The following KIF26B variants were observed in gnomAD, a reference collection of about 807,000 sequenced individuals.
The protein encoded by KIF26B is kinesin family member 26B.
Under a neutral mutation model 151.2 loss-of-function variants are expected in KIF26B, and 63 were observed. The ratio of observed to expected loss-of-function variants is 0.42; its 90% CI spans 0.34 to 0.51. The LOEUF is 0.51. KIF26B is among the 20% of genes least tolerant of loss of function. KIF26B has a pLI of 0.07. For synonymous variants in KIF26B, 1,357 were observed against 1,262.1 expected (o/e 1.08, Z -1.59); for missense variants, 2,813 against 2,913.6 (o/e 0.97, Z 0.79).
intron 4 of KIF26B, among the ~76,000 whole-genome samples, chr1:245,467,550 C>G (rs1279115418): frequency 6.6e-6 from 1 of 152,164 alleles, no homozygotes; most frequent in East Asian, 1.9e-4. Context: ...ATCTCTGGAT[C>G]TGAATTCCTA....
rs544715153 is a variant in KIF26B, at chr1:245,470,358, G to A, written c.1166+50613G>A. ...GAAAGCAGTGGATTCAAGTTACAAA[G>A]GAAGAATTGGCAAGGGGTGGCAAAA... is the stretch of plus-strand genomic sequence containing the variant. On this transcript the variant is annotated intron_variant, in intron 4 of 14. Coordinates refer to ENST00000407071, the MANE Select transcript of KIF26B (RefSeq NM_018012.4). Among the ~76,000 whole-genome samples the A allele has an allele frequency of 5.9e-5, 9 of 152,274 alleles. No individual in the cohort carries two copies. In the South Asian group the frequency reaches 1.9e-3, roughly 32 times the overall value.
chr1:245,329,081 C>T (rs554226083), intron 2 of KIF26B, among the ~76,000 whole-genome samples: 20 of 152,226 alleles, frequency 1.3e-4, no homozygotes, highest in Non-Finnish European at 2.8e-4. Flanking sequence ...GCTGAATTCA[C>T]AGGCTCGCAA....
intron 3 of KIF26B, among the ~76,000 whole-genome samples, chr1:245,405,695 A>G (rs1395444700): frequency 6.6e-6 from 1 of 151,938 alleles, no homozygotes; most frequent in South Asian, 2.1e-4. Context: ...GGTGTGAATC[A>G]GGATCACTCA....
intron 5 of KIF26B, among the ~76,000 whole-genome samples, chr1:245,589,385 GTCTGTATTTACGTGCCTGCCA>G: frequency 6.6e-6 from 1 of 152,268 alleles, no homozygotes; most frequent in Admixed American, 6.5e-5. Context: ...ACTGAATGCG[GTCTGTATTTACGTGCCTGCCA>G]TCTGTCCCCA....
At chr1:245,356,043 A>G (rs1476304630) in intron 2 of KIF26B, among the ~76,000 whole-genome samples, 2 of 152,078 alleles carry the variant, frequency 1.3e-5, no homozygotes, top group Non-Finnish European at 2.9e-5. Flanking sequence ...ATTCTGATAC[A>G]GGGGGTCTGA....
At chr1:245,468,722 G>A (rs1303653024) in intron 4 of KIF26B, among the ~76,000 whole-genome samples, 1 of 152,006 alleles carries the variant, frequency 6.6e-6, no homozygotes, top group East Asian at 1.9e-4. Flanking sequence ...CTTTGTTATT[G>A]AATTGAGTGA....
Position 245,602,232 on chromosome 1 carries a change from C to T in KIF26B, c.1351-345C>T, listed in dbSNP as rs2043404378. Among the ~76,000 whole-genome samples the T allele has an allele frequency of 6.6e-6, 1 of 152,126 alleles. No homozygotes were observed. Among genetic ancestry groups the T allele is most frequent in the Non-Finnish European group, 1.5e-5 (1 of 68,024 alleles). On this transcript the variant is annotated intron_variant, in intron 5 of 14. Transcript: ENST00000407071. This position sits in a 1 kb window ranked among gnomAD's most constrained non-coding sequence, Gnocchi z 4.5. Reference sequence around the variant, plus strand: ...TGAGCTTCAAGGAAACTGCACCAGCCCCTATAGTTTGGCAGTCCAGACTAC... The same window carrying T: ...TGAGCTTCAAGGAAACTGCACCAGCTCCTATAGTTTGGCAGTCCAGACTAC...
chr1:245,175,629 A>T (rs2103524675), intron 2 of KIF26B, among the ~76,000 whole-genome samples: 1 of 152,294 alleles, frequency 6.6e-6, no homozygotes, highest in East Asian at 1.9e-4. Flanking sequence ...ATAAAAGATG[A>T]GAAGATGCAG....
At chr1:245,209,798 G>C (rs1200912370) in intron 2 of KIF26B, among the ~76,000 whole-genome samples, 1 of 152,248 alleles carries the variant, frequency 6.6e-6, no homozygotes, top group Non-Finnish European at 1.5e-5. Flanking sequence ...TTGGAAACAG[G>C]GCCTGGGGGT....
At chr1:245,412,107 A>G (rs1391401898) in intron 3 of KIF26B, among the ~76,000 whole-genome samples, 2 of 152,200 alleles carry the variant, frequency 1.3e-5, no homozygotes, top group African/African-American at 4.8e-5. Context: ...TCCTAAGACA[A>G]TACTAAGGGT....
intron 9 of KIF26B, among the ~76,000 whole-genome samples, chr1:245,618,996 A>C (rs2043626556): frequency 7.1e-6 from 1 of 141,708 alleles, no homozygotes; most frequent in Admixed American, 7.1e-5. Context: ...TCCAAGCCCT[A>C]TTAGACTATA....
intron 9 of KIF26B, among the ~76,000 whole-genome samples, chr1:245,618,569 T>A (rs116055132): frequency 0.026 from 3,839 of 146,640 alleles, 65 homozygotes; most frequent in Admixed American, 0.054. Context: ...TGCTGTGTGC[T>A]GTTTGTGAGC....
intron 2 of KIF26B, among the ~76,000 whole-genome samples, chr1:245,334,787 G>A (rs1385474721): frequency 1.3e-5 from 2 of 152,156 alleles, no homozygotes; most frequent in Non-Finnish European, 2.9e-5. Flanking sequence ...GTCTACCTCC[G>A]TCAAGTACTT....
intron 5 of KIF26B, among the ~76,000 whole-genome samples, chr1:245,547,637 T>G (rs1250052067): frequency 6.6e-6 from 1 of 151,348 alleles, no homozygotes; most frequent in Non-Finnish European, 1.5e-5. Context: ...ATTATTAATA[T>G]GATCACCTTT....
chr1:245,312,678 C>G (rs1671686193), intron 2 of KIF26B, among the ~76,000 whole-genome samples: 1 of 152,084 alleles, frequency 6.6e-6, no homozygotes, highest in Non-Finnish European at 1.5e-5. Flanking sequence ...AAGTAGGTCT[C>G]AGAGAGGTTA....
chr1:245,607,905 G>A (rs2103150927), intron 7 of KIF26B, among the ~76,000 whole-genome samples, 161 bp downstream of exon 7: 1 of 152,346 alleles, frequency 6.6e-6, no homozygotes, highest in South Asian at 2.1e-4. Context: ...GAAAACCTAT[G>A]TTGTTCATTG....
At chr1:245,579,945 C>T (rs888321442) in intron 5 of KIF26B, among the ~76,000 whole-genome samples, 1 of 152,162 alleles carries the variant, frequency 6.6e-6, no homozygotes. Flanking sequence ...GGCTGGCCCT[C>T]TCAGTCAAGG....
In KIF26B at chr1:245,244,752, ACACT is replaced by A. The variant is rs1255609747; in HGVS notation, c.465+88073_465+88076del. On this transcript the variant is annotated intron_variant, in intron 2 of 14. Transcript: ENST00000407071. The surrounding 1 kb of genome is among the most constrained non-coding windows in gnomAD (Gnocchi z 4.2). Reference sequence around the variant, plus strand: ...TGTGAGAAGGAACACACAGACACGCACACTCACACACACACACACACACACACAC... The same window carrying A: ...TGTGAGAAGGAACACACAGACACGCACACACACACACACACACACACACAC... 2.0e-5 allele frequency among the ~76,000 whole-genome samples: 2 copies of A among 99,438 alleles called. No individual in the cohort carries two copies. The highest frequency in any genetic ancestry group is 3.8e-5 in the Non-Finnish European group (2 of 52,930). The allele number at this position is 99,438 out of a possible 152,430, so 65.2% of individuals were successfully genotyped here. A position where few individuals can be genotyped will look rare whatever the true frequency, so the allele number is the denominator to read the frequency against.
chr1:245,453,440 G>T (rs1659441912), intron 4 of KIF26B, among the ~76,000 whole-genome samples: 2 of 151,998 alleles, frequency 1.3e-5, no homozygotes, highest in Admixed American at 1.3e-4. Flanking sequence ...TTTGGTTCCT[G>T]AGTTTTTGCC....
Sources: gnomAD v4.1 joint callset for allele counts (sites outside exome capture counted in the v4.1 genomes callset) on GRCh38, gnomAD v4.1.1 for gene constraint, Gnocchi (gnomAD v3.1) non-coding constraint, MANE v1.5 for transcripts, NCBI Gene and HGNC (gene_info 2026-07-23, HGNC 2026-07-21) for gene names.